Variants in TET2 observed in about 807,000 individuals in gnomAD.
The protein encoded by TET2 is methylcytosine dioxygenase TET2.
A neutral mutation model predicts 142.9 loss-of-function variants in TET2; 299 were observed. That is an observed-to-expected ratio of 2.09 (90% CI 1.90 to 2.30). The LOEUF (loss-of-function observed/expected upper bound fraction) is 2.30. TET2 is among the 30% of genes most tolerant of loss of function. The probability of loss-of-function intolerance (pLI) is 0.00; values close to 1 mark genes in which losing one functional copy is unlikely to be tolerated. For missense variants in TET2, 2,418 were observed against 2,378.0 expected (o/e 1.02, Z -0.35); for synonymous variants, 819 against 849.0 (o/e 0.96, Z 0.61).
At chr4:105,274,998 T>A in intron 10 of TET2, 50 bp from the exon 11 acceptor site, 1 of 1,460,098 alleles carries the variant, frequency 6.8e-7, no homozygotes, top group Admixed American at 2.8e-5. Context: ...CATAAAATAA[T>A]CATCAACATC....
chr4:105,229,493 T>C (rs1027601206), intron 2 of TET2, among the ~76,000 whole-genome samples: 13 of 151,990 alleles, frequency 8.6e-5, no homozygotes, highest in Admixed American at 4.6e-4. Context: ...GTATTTTTAG[T>C]AGTGGCGGTG....
intron 1 of TET2, among the ~76,000 whole-genome samples, chr4:105,168,525 TTCTA>T (rs1191099048): frequency 6.6e-6 from 1 of 152,168 alleles, no homozygotes; most frequent in African/African-American, 2.4e-5. Context: ...TCCCTAACCA[TTCTA>T]TCTAACAGAA....
rs1312223405 is a variant in TET2, at chr4:105,235,677, CT to C, written c.1736del (p.Leu579GlnfsTer22). 1 of 1,614,032 alleles carries C rather than the reference CT, an allele frequency of 6.2e-7. No homozygotes were observed. The highest frequency in any genetic ancestry group is 8.5e-7 in the Non-Finnish European group (1 of 1,180,024). ...APRFHQAESH[L>X]KRNEASLPSI... ...TCGTTTTCACCAAGCGGAATCCCAT[CT>C]AAAACGTAATGAGGCATCACTGCCA... On this transcript the variant is annotated frameshift_variant, in exon 3 of 11. Transcript: ENST00000380013. LOFTEE classifies it high-confidence loss of function.
chr4:105,275,544 T>G lies in TET2; in HGVS notation c.5034T>G (p.Leu1678=). The change falls in exon 11 of 11, where the codon CTT becomes CTG. Residue 1678 remains leucine (L), a synonymous_variant. Transcript: ENST00000380013. ...TCAGTCTACCACCCATCCATACACT[T>G]TACCAGCCAAGGTTTGGAAATAGCC... The part of the protein sequence containing the change: ...SKLSLPPIHT[L]YQPRFGNSQS... The G allele has an allele frequency of 6.4e-7, 1 of 1,551,702 alleles. No individual in the cohort carries two copies. Among genetic ancestry groups the G allele is most frequent in the Non-Finnish European group, 8.7e-7 (1 of 1,146,972 alleles).
chr4:105,169,971 T>C (rs1724369924), intron 1 of TET2, among the ~76,000 whole-genome samples: 1 of 152,168 alleles, frequency 6.6e-6, no homozygotes, highest in African/African-American at 2.4e-5. Flanking sequence ...CCATGCTGTT[T>C]TGGTGTCTAT....
intron 1 of TET2, among the ~76,000 whole-genome samples, chr4:105,161,231 T>G (rs1723841988): frequency 6.6e-6 from 1 of 152,178 alleles, no homozygotes; most frequent in Admixed American, 6.6e-5. Context: ...AACAATAAAA[T>G]CTAAGGATAG....
intron 1 of TET2, among the ~76,000 whole-genome samples, chr4:105,154,594 A>T (rs1723471251): frequency 6.6e-6 from 1 of 152,174 alleles, no homozygotes; most frequent in Non-Finnish European, 1.5e-5. Context: ...TAGCCTTTAG[A>T]GCTCATATGG....
At position 105,236,988 on chromosome 4, in the gene TET2, TG is replaced by T; in HGVS notation, c.3047del (p.Cys1016LeufsTer17). 6.2e-7 allele frequency: 1 copy of T among 1,614,086 alleles called. No homozygotes were observed. Among genetic ancestry groups the T allele is most frequent in the Non-Finnish European group, 8.5e-7 (1 of 1,180,014 alleles). On this transcript the variant is annotated frameshift_variant, in exon 3 of 11. Coordinates refer to ENST00000380013, the MANE Select transcript of TET2 (RefSeq NM_001127208.3). LOFTEE classifies it high-confidence loss of function. The part of the protein sequence containing the change: ...VTKQENPPAS[C>X]DNVQQKSIIE... ...TAAGCAAGAGAATCCACCTGCAAGC[TG>T]TGATAATGTGCAGCAAAAGAGCATC...
At position 105,276,609 on chromosome 4, in the gene TET2, G is replaced by C; in HGVS notation, c.*90G>C. ...TCTCATGACGTGGGCAGTGGGGAAA[G>C]GTCACAGTATTCATGACAAATGTGG... On this transcript the variant is annotated 3_prime_UTR_variant, in exon 11 of 11. Coordinates refer to ENST00000380013, the MANE Select transcript of TET2 (RefSeq NM_001127208.3). The C allele has an allele frequency of 1.5e-6, 2 of 1,378,956 alleles. No individual in the cohort carries two copies. Among genetic ancestry groups the C allele is most frequent in the Non-Finnish European group, 1.9e-6 (2 of 1,031,010 alleles). 85.4% of individuals were successfully genotyped at this position (1,378,956 alleles called of 1,614,324 possible).
At position 105,236,078 on chromosome 4, in the gene TET2, A is replaced by G. The variant is rs941143055; in HGVS notation, c.2136A>G (p.Pro712=). The G allele has an allele frequency of 1.9e-6, 3 of 1,614,052 alleles. No individual in the cohort carries two copies. Among genetic ancestry groups the G allele is most frequent in the Non-Finnish European group, 2.5e-6 (3 of 1,180,030 alleles). The part of the protein sequence containing the change: ...HLNQQASETE[P]FSNSHLLQHK... ...ATCAACAGGCTTCAGAGACTGAGCC[A>G]TTTTCAAACTCACACCTTTTGCAAC... The change falls in exon 3 of 11, where the codon CCA becomes CCG. Residue 712 remains proline (P), a synonymous_variant. Coordinates refer to ENST00000380013, the MANE Select transcript of TET2 (RefSeq NM_001127208.3).
chr4:105,172,936 G>C (rs1457346793), intron 1 of TET2, among the ~76,000 whole-genome samples: 1 of 152,126 alleles, frequency 6.6e-6, no homozygotes, highest in African/African-American at 2.4e-5. Context: ...CTTTTTCCAA[G>C]TTGGCTATGC....
intron 1 of TET2, among the ~76,000 whole-genome samples, chr4:105,179,302 A>G (rs1481950480): frequency 1.3e-5 from 2 of 152,198 alleles, no homozygotes; most frequent in African/African-American, 4.8e-5. Flanking sequence ...CTGGTTAGGA[A>G]AAATAACTTT....
Position 105,236,925 on chromosome 4 carries a change from A to G in TET2, c.2983A>G (p.Thr995Ala), listed in dbSNP as rs778911750. 2.5e-6 allele frequency: 4 copies of G among 1,614,038 alleles called. No individual in the cohort carries two copies. The highest frequency in any genetic ancestry group is 1.3e-5 in the African/African-American group (1 of 74,950). Reference sequence around the variant, plus strand: ...ATGCAAGCCACATGCCTGTATGCACACAGCACCACCAGAAAACAAAACATG... The same window carrying G: ...ATGCAAGCCACATGCCTGTATGCACGCAGCACCACCAGAAAACAAAACATG... ...PGCKPHACMH[T>A]APPENKTWKK... Residue 995 changes from threonine (T) to alanine (A), a missense_variant, in exon 3 of 11, where the codon ACA becomes GCA. Physicochemically the swap from Thr to Ala is moderately conservative, Grantham distance 58 (BLOSUM62 0). Transcript: ENST00000380013.
chr4:105,270,873 G>A (rs951254776), intron 9 of TET2, among the ~76,000 whole-genome samples: 1 of 152,134 alleles, frequency 6.6e-6, no homozygotes, highest in African/African-American at 2.4e-5. Context: ...TATGGAAACA[G>A]ATATCAGGAA....
chr4:105,263,138 A>C (rs1560565799), intron 8 of TET2, among the ~76,000 whole-genome samples: 2 of 152,170 alleles, frequency 1.3e-5, no homozygotes, highest in Admixed American at 1.3e-4. Context: ...AAGAATGTGC[A>C]CATTTCTAAA....
At position 105,267,756 on chromosome 4, in the gene TET2, G is replaced by GA. The variant is rs549504593; in HGVS notation, c.4045-1846dup. Among the ~76,000 whole-genome samples the GA allele has an allele frequency of 4.2e-4, 63 of 150,396 alleles. No individual in the cohort carries two copies. The Middle Eastern group carries it at 0.014, about 33-fold the overall frequency. On this transcript the variant is annotated intron_variant, in intron 8 of 10. Transcript: ENST00000380013. ...ATTATAAGGCAGAGCTTGTGATATT[G>GA]AAAAAAAAGCAAAAACCAAGAAAAC... is the stretch of plus-strand genomic sequence containing the variant.
intron 1 of TET2, among the ~76,000 whole-genome samples, chr4:105,173,043 T>C (rs762827917): frequency 1.1e-4 from 16 of 152,194 alleles, no homozygotes; most frequent in South Asian, 2.1e-4. Flanking sequence ...CTTTAGAGAA[T>C]AGAAAATATG....
Position 105,244,607 on chromosome 4 carries a change from T to TC in TET2, c.3803+829_3803+830insC, listed in dbSNP as rs1729493842. On this transcript the variant is annotated intron_variant, in intron 6 of 10. Coordinates refer to ENST00000380013, the MANE Select transcript of TET2 (RefSeq NM_001127208.3). ...AAATGTTTTTTTTTTTTTTTTTTTT[T>TC]TTTTTGAGATGGAGTTTCGCTCTTG... Among the ~76,000 whole-genome samples, 5 of 116,578 alleles carry TC rather than the reference T, an allele frequency of 4.3e-5. No individual in the cohort carries two copies. In the Admixed American group the frequency reaches 4.5e-4, roughly 10 times the overall value. 76.5% of individuals were successfully genotyped at this position (116,578 alleles called of 152,430 possible).
chr4:105,154,762 C>T (rs1723479370), intron 1 of TET2, among the ~76,000 whole-genome samples: 1 of 152,126 alleles, frequency 6.6e-6, no homozygotes, highest in Non-Finnish European at 1.5e-5. Context: ...CGGTGGCTCA[C>T]ACCTGTAATC....
Sources: gnomAD v4.1 joint callset for allele counts (sites outside exome capture counted in the v4.1 genomes callset) on GRCh38, gnomAD v4.1.1 for gene constraint, MANE v1.5 for transcripts, NCBI Gene and HGNC (gene_info 2026-07-23, HGNC 2026-07-21) for gene names.